Variants in RORB observed in about 807,000 individuals in gnomAD.
RORB encodes RAR related orphan receptor B.
In RORB, 6 loss-of-function variants were observed where a neutral mutation model predicts 59.1. The observed-to-expected ratio is 0.10, with a 90% CI of 0.06 to 0.20. RORB has a LOEUF of 0.20. Ranked by LOEUF, RORB falls within the 10% of genes least tolerant of loss-of-function variation. The pLI is 1.00. For missense variants in RORB, 320 were observed against 560.5 expected, an observed-to-expected ratio of 0.57 and a Z score of 4.33; for synonymous variants, 215 against 204.5, an observed-to-expected ratio of 1.05 and a Z score of -0.44.
intron 1 of RORB, among the ~76,000 whole-genome samples, chr9:74,556,401 T>C (rs944456078): frequency 6.6e-6 from 1 of 152,168 alleles, no homozygotes; most frequent in African/African-American, 2.4e-5. Context: ...AAATGTGGCA[T>C]AAATGATCTT....
At chr9:74,629,305 T>C (rs12347501) in intron 1 of RORB, among the ~76,000 whole-genome samples, 4,706 of 151,362 alleles carry the variant, frequency 0.031, 240 homozygotes, top group African/African-American at 0.11. Context: ...TGATCGTTTC[T>C]TTACCCTGTT....
chr9:74,554,562 C>A (rs1287417435), intron 1 of RORB, among the ~76,000 whole-genome samples: 2 of 128,912 alleles, frequency 1.6e-5, no homozygotes, highest in African/African-American at 6.5e-5. Flanking sequence ...CTTCCAGATG[C>A]AATTTGAATA....
intron 1 of RORB, among the ~76,000 whole-genome samples, chr9:74,559,792 A>G (rs1004764097): frequency 3.3e-5 from 5 of 152,130 alleles, no homozygotes; most frequent in Non-Finnish European, 7.3e-5. Context: ...AGTAGATGTA[A>G]TACTGTTATC....
chr9:74,614,352 T>C (rs1823276474), intron 1 of RORB, among the ~76,000 whole-genome samples: 1 of 152,164 alleles, frequency 6.6e-6, no homozygotes, highest in Non-Finnish European at 1.5e-5. Flanking sequence ...AATATTCAAA[T>C]ATCACTTTTT....
intron 9 of RORB, 25 bp from the exon 10 acceptor site, chr9:74,685,438 C>A: frequency 6.3e-7 from 1 of 1,581,226 alleles, no homozygotes; most frequent in African/African-American, 1.3e-5. Flanking sequence ...CTCTCTATCT[C>A]CCTCTCTGTC....
At chr9:74,571,252 A>G (rs1822546357) in intron 1 of RORB, among the ~76,000 whole-genome samples, 1 of 152,090 alleles carries the variant, frequency 6.6e-6, no homozygotes, top group African/African-American at 2.4e-5. Context: ...TTTCACCTAA[A>G]CCATGACTAA....
chr9:74,570,663 G>T (rs771334183), intron 1 of RORB, among the ~76,000 whole-genome samples: 22 of 152,200 alleles, frequency 1.4e-4, no homozygotes, highest in Non-Finnish European at 2.4e-4. Context: ...CATAAGAAAA[G>T]AATTCTAGAA....
intron 1 of RORB, among the ~76,000 whole-genome samples, chr9:74,574,634 C>T (rs1352135635): frequency 2.0e-5 from 3 of 152,088 alleles, no homozygotes; most frequent in Non-Finnish European, 4.4e-5. Context: ...ACCTCAGAGT[C>T]AGAATTGGGC....
chr9:74,662,127 G>C (rs1242814484), intron 5 of RORB, among the ~76,000 whole-genome samples: 1 of 152,084 alleles, frequency 6.6e-6, no homozygotes, highest in African/African-American at 2.4e-5. Context: ...TGTGAAGATA[G>C]ATTTGTTATT....
chr9:74,691,778 G>A lies in RORB; in HGVS notation c.*6160G>A, dbSNP rs1438748709. 1 of 152,064 alleles carries A rather than the reference G, an allele frequency of 6.6e-6. No homozygotes were observed. The highest frequency in any genetic ancestry group is 1.5e-5 in the Non-Finnish European group (1 of 68,006). 9.4% of individuals were successfully genotyped at this position (152,064 alleles called of 1,614,324 possible). A position where few individuals can be genotyped will look rare whatever the true frequency, so the allele number is the denominator to read the frequency against. On this transcript the variant is annotated 3_prime_UTR_variant, in exon 10 of 10. Coordinates refer to ENST00000376896, the MANE Select transcript of RORB (RefSeq NM_006914.4). ...CTTCTCAGTTTTTTAATGGAAACTG[G>A]TTGTAACAGTTTAAGCATCTTGACG...
chr9:74,646,384 A>T (rs1041723934), intron 4 of RORB, among the ~76,000 whole-genome samples: 3 of 152,310 alleles, frequency 2.0e-5, no homozygotes, highest in African/African-American at 7.2e-5. Flanking sequence ...CTGCATGCAG[A>T]TCCCAAAAAG....
Position 74,630,372 on chromosome 9 carries a change from G to T in RORB, c.93+5G>T. The T allele has an allele frequency of 6.2e-7, 1 of 1,609,304 alleles. No individual in the cohort carries two copies. The highest frequency in any genetic ancestry group is 1.1e-5 in the South Asian group (1 of 90,180). ...ATCACATGTGAAGGCTGCAAGGTAT[G>T]GGACTTTCATACAGCACGGTTCTGT... On this transcript the variant is annotated splice_donor_5th_base_variant and intron_variant, in intron 2 of 9. Transcript: ENST00000376896.
intron 1 of RORB, among the ~76,000 whole-genome samples, chr9:74,520,860 C>A (rs1271062290): frequency 1.9e-4 from 29 of 151,718 alleles, no homozygotes; most frequent in Admixed American, 1.9e-3. Context: ...TATTTCCTAT[C>A]TATTGCTCCA....
At chr9:74,510,494 G>A (rs1308662520) in intron 1 of RORB, among the ~76,000 whole-genome samples, 2 of 152,162 alleles carry the variant, frequency 1.3e-5, no homozygotes, top group African/African-American at 4.8e-5. Context: ...GGAGCTGACA[G>A]ATGCAGTCTC....
chr9:74,552,102 C>T (rs1826619853), intron 1 of RORB, among the ~76,000 whole-genome samples: 1 of 152,070 alleles, frequency 6.6e-6, no homozygotes, highest in South Asian at 2.1e-4. Flanking sequence ...TTCTATAGGT[C>T]TCAAGGAGTG....
intron 1 of RORB, among the ~76,000 whole-genome samples, chr9:74,531,828 T>A (rs1269775570): frequency 2.6e-5 from 4 of 151,986 alleles, no homozygotes; most frequent in Non-Finnish European, 5.9e-5. Flanking sequence ...GACTTTTTTT[T>A]ATAAAGACTG....
intron 9 of RORB, among the ~76,000 whole-genome samples, chr9:74,683,385 A>G (rs555226894): frequency 6.6e-6 from 1 of 152,150 alleles, no homozygotes; most frequent in Non-Finnish European, 1.5e-5. Context: ...TATAGAAAAG[A>G]CACAGTTTTC....
rs1259387799 is a variant in RORB at position 74,692,969 on chromosome 9, C to G, written c.*7351C>G. On this transcript the variant is annotated 3_prime_UTR_variant, in exon 10 of 10. Coordinates refer to ENST00000376896, the MANE Select transcript of RORB (RefSeq NM_006914.4). Reference sequence around the variant, plus strand: ...AAATATACTAGAATAAAACAGCACTCCCTAACAATTAAAAAAGAGTTTTAT... The same window carrying G: ...AAATATACTAGAATAAAACAGCACTGCCTAACAATTAAAAAAGAGTTTTAT... 2 of 152,028 alleles carry G rather than the reference C, an allele frequency of 1.3e-5. No individual in the cohort carries two copies. The highest frequency in any genetic ancestry group is 2.9e-5 in the Non-Finnish European group (2 of 68,008). The allele number at this position is 152,028 out of a possible 1,614,324, so 9.4% of individuals were successfully genotyped here.
chr9:74,642,401 C>G lies in RORB; in HGVS notation c.236-13C>G, dbSNP rs1313626498. 7.5e-6 allele frequency: 12 copies of G among 1,591,796 alleles called. No homozygotes were observed. The highest frequency in any genetic ancestry group is 9.4e-6 in the Non-Finnish European group (11 of 1,168,262). ...ACCACAAGTGCTGTTTTCTGCTTTT[C>G]TCTCCAACCCAGCTGTGAAGTTTGG... On this transcript the variant is annotated splice_polypyrimidine_tract_variant and intron_variant, in intron 3 of 9. Coordinates refer to ENST00000376896, the MANE Select transcript of RORB (RefSeq NM_006914.4).
Sources: allele counts gnomAD v4.1 joint callset (sites outside exome capture counted in the v4.1 genomes callset), GRCh38; gene constraint gnomAD v4.1.1; transcripts MANE v1.5; gene names NCBI Gene and HGNC (gene_info 2026-07-23, HGNC 2026-07-21).